Variants in LRP4 observed in about 807,000 individuals in gnomAD.
LRP4 encodes low-density lipoprotein receptor-related protein 4.
LRP4 carries 95 observed loss-of-function variants against 220.3 expected under a neutral mutation model. That is an observed-to-expected ratio of 0.43 (90% CI 0.37 to 0.51). The LOEUF is 0.51. Among genes scored for constraint, LRP4 ranks in the 20% least tolerant of loss-of-function variants. LRP4 has a pLI of 0.00. For missense variants in LRP4, 1,925 were observed against 2,567.0 expected (o/e 0.75, Z 5.40); for synonymous variants, 903 against 954.6 (o/e 0.95, Z 1.00).
At chr11:46,872,029 G>C (rs570585326) in intron 30 of LRP4, among the ~76,000 whole-genome samples, 7 of 151,758 alleles carry the variant, frequency 4.6e-5, no homozygotes, top group Non-Finnish European at 1.0e-4. Context: ...AGGCCGAGGC[G>C]GGGGATCACT....
chr11:46,884,529 G>A (rs2134823237), intron 18 of LRP4, among the ~76,000 whole-genome samples: 1 of 152,158 alleles, frequency 6.6e-6, no homozygotes, highest in South Asian at 2.1e-4. Flanking sequence ...GAGATTAGGA[G>A]ATCGAGACCA....
At chr11:46,868,179 T>C (rs1940754143) in intron 33 of LRP4, 65 bp from the exon 34 acceptor site, 1 of 1,601,242 alleles carries the variant, frequency 6.2e-7, no homozygotes, top group East Asian at 2.2e-5. Context: ...GGCCCAAGAG[T>C]AGCAGCTGGA....
Position 46,877,292 on chromosome 11 carries a change from C to T in LRP4, c.3184G>A (p.Val1062Ile). 1 of 1,613,986 alleles carries T rather than the reference C, an allele frequency of 6.2e-7. No homozygotes were observed. Among genetic ancestry groups the T allele is most frequent in the Non-Finnish European group, 8.5e-7 (1 of 1,179,964 alleles). The change falls in exon 23 of 38, where the codon GTC (valine) becomes ATC (isoleucine). Residue 1062 changes from valine (V) to isoleucine (I), a missense_variant. Physicochemically the swap from Val to Ile is conservative, Grantham distance 29. This residue lies in a region of LRP4 where 1,244 missense variants were observed against 1,624.9 expected (regional missense o/e 0.77). Transcript: ENST00000378623. The part of the protein sequence containing the change: ...IFARRIDIRM[V>I]SLDIPYFADV... Reference sequence around the variant, plus strand: ...GCAAAATAAGGGATGTCCAGGGAGACCATGCGAATGTCTATCCTCCTGGCG... The same window carrying T: ...GCAAAATAAGGGATGTCCAGGGAGATCATGCGAATGTCTATCCTCCTGGCG...
At chr11:46,886,905 C>T (rs1450588524) in intron 16 of LRP4, among the ~76,000 whole-genome samples, 2 of 152,236 alleles carry the variant, frequency 1.3e-5, no homozygotes, top group Non-Finnish European at 2.9e-5. Context: ...CCTGCCCCTC[C>T]ACTCCATCAC....
chr11:46,915,511 C>T (rs1461738051), intron 1 of LRP4, among the ~76,000 whole-genome samples: 2 of 152,082 alleles, frequency 1.3e-5, no homozygotes, highest in African/African-American at 4.8e-5. Context: ...TAGGAAAAGC[C>T]CCAAGGACTA....
chr11:46,861,885 A>G (rs892149951), intron 37 of LRP4, among the ~76,000 whole-genome samples: 2 of 152,018 alleles, frequency 1.3e-5, no homozygotes, highest in African/African-American at 4.8e-5. Flanking sequence ...CCTGGTCAAC[A>G]TGGAGAAACC....
At position 46,875,429 on chromosome 11, in the gene LRP4, TCA is replaced by T; in HGVS notation, c.3925+25_3925+26del. On this transcript the variant is annotated intron_variant, in intron 27 of 37. Transcript: ENST00000378623. This position sits in a 1 kb window ranked among gnomAD's most constrained non-coding sequence, Gnocchi z 4.5. ...GCCCCAGAAAGCCAGAGGCTCTGAC[TCA>T]CAGCCCCAGCCCTCTGACTCTCACC... 1 of 1,595,776 alleles carries T rather than the reference TCA, an allele frequency of 6.3e-7. No individual in the cohort carries two copies. Among genetic ancestry groups the T allele is most frequent in the Non-Finnish European group, 8.6e-7 (1 of 1,163,852 alleles).
intron 31 of LRP4, among the ~76,000 whole-genome samples, chr11:46,870,405 C>T (rs1035117771): frequency 2.6e-5 from 4 of 152,100 alleles, no homozygotes; most frequent in Admixed American, 2.6e-4. Context: ...TTCCTTTCTT[C>T]TTTCCTTTCT....
rs1036231283 is a variant in LRP4, at chr11:46,896,805, C to T, written c.922+64G>A. 32 of 1,611,492 alleles carry T rather than the reference C, an allele frequency of 2.0e-5. No individual in the cohort carries two copies. The South Asian group carries it at 3.0e-4, about 15-fold the overall frequency. ...CCAACTGGAAAGATACCAAAGCACCCTCTTTTCCACCCTTCCACCCCAACT... is the reference window on the plus strand; with the variant it reads ...CCAACTGGAAAGATACCAAAGCACCTTCTTTTCCACCCTTCCACCCCAACT... On this transcript the variant is annotated intron_variant, in intron 8 of 37. Transcript: ENST00000378623.
chr11:46,916,991 C>T (rs1468279484), intron 1 of LRP4, among the ~76,000 whole-genome samples: 1 of 152,228 alleles, frequency 6.6e-6, no homozygotes, highest in Non-Finnish European at 1.5e-5. Context: ...GCCAAGCTAC[C>T]GCTCTTCGGA....
At chr11:46,891,848 T>C (rs985966504) in intron 13 of LRP4, among the ~76,000 whole-genome samples, 1 of 152,128 alleles carries the variant, frequency 6.6e-6, no homozygotes, top group East Asian at 1.9e-4. Flanking sequence ...ACTCCTGGGC[T>C]CAAGCAATCT....
At chr11:46,865,546 T>A (rs1012556487) in intron 34 of LRP4, among the ~76,000 whole-genome samples, 1 of 152,236 alleles carries the variant, frequency 6.6e-6, no homozygotes, top group African/African-American at 2.4e-5. Flanking sequence ...GCCAATCTGA[T>A]TGGATAAAAA....
In LRP4 at chr11:46,873,329, C is replaced by A. The variant is rs369717970; in HGVS notation, c.4448+46G>T. The A allele has an allele frequency of 7.0e-5, 113 of 1,612,232 alleles. No homozygotes were observed. The highest frequency in any genetic ancestry group is 8.5e-7 in the Non-Finnish European group (1 of 1,178,900). On this transcript the variant is annotated intron_variant, in intron 29 of 37. Transcript: ENST00000378623. The surrounding 1 kb of genome is among the most constrained non-coding windows in gnomAD (Gnocchi z 4.2). ...GGACCCACTAACACCATCTTTCCAC[C>A]CAGCCCTTCTTCCCTGGATCTCTCT...
Position 46,899,741 on chromosome 11 carries a change from G to T in LRP4, c.430+122C>A. The T allele has an allele frequency of 3.3e-6, 3 of 916,268 alleles. No homozygotes were observed. The South Asian group carries it at 3.9e-5, about 12-fold the overall frequency. The allele number at this position is 916,268 out of a possible 1,614,324, so 56.8% of individuals were successfully genotyped here. ...GCTCTGCCCCCTCTGCGTTCCTCTAGCTGCTCCAGATATCTGGGCAGTTGG... is the reference window on the plus strand; with the variant it reads ...GCTCTGCCCCCTCTGCGTTCCTCTATCTGCTCCAGATATCTGGGCAGTTGG... On this transcript the variant is annotated intron_variant, in intron 4 of 37. Transcript: ENST00000378623. This position sits in a 1 kb window ranked among gnomAD's most constrained non-coding sequence, Gnocchi z 5.9.
rs1941015562 is a variant in LRP4 at position 46,876,355 on chromosome 11, T to TTTCTGTGATG, written c.3536+110_3536+111insCATCACAGAA. Reference sequence around the variant, plus strand: ...AGAGAGTGGAAGAGCCCCAGGGAGGTCACCTTGTTTCTGTGATGCAAGCTT... The same window carrying TTTCTGTGATG: ...AGAGAGTGGAAGAGCCCCAGGGAGGTTTCTGTGATGCACCTTGTTTCTGTGATGCAAGCTT... On this transcript the variant is annotated intron_variant, in intron 25 of 37. Transcript: ENST00000378623. 4 of 1,263,306 alleles carry TTTCTGTGATG rather than the reference T, an allele frequency of 3.2e-6. No homozygotes were observed. The African/African-American group carries it at 5.8e-5, about 18-fold the overall frequency. 78.3% of individuals were successfully genotyped at this position (1,263,306 alleles called of 1,614,324 possible).
intron 13 of LRP4, among the ~76,000 whole-genome samples, chr11:46,891,428 TACACAC>T (rs57116396): frequency 0.56 from 82,045 of 146,936 alleles, 23,009 homozygotes; most frequent in Non-Finnish European, 0.61. Flanking sequence ...TTGTATTTTA[TACACAC>T]ACACACACAC....
In LRP4 at chr11:46,859,199, C is replaced by A; in HGVS notation, c.5502G>T (p.Gly1834=). The A allele has an allele frequency of 6.2e-7, 1 of 1,614,148 alleles. No homozygotes were observed. The highest frequency in any genetic ancestry group is 8.5e-7 in the Non-Finnish European group (1 of 1,180,020). ...DDLKQLRSSR[G]GLLRDHVCMK... is the part of the protein sequence containing the mutation. Reference sequence around the variant, plus strand: ...TGCATACATGATCCCGGAGGAGGCCCCCCCGTGAGCTTCGCAGTTGCTTGA... The same window carrying A: ...TGCATACATGATCCCGGAGGAGGCCACCCCGTGAGCTTCGCAGTTGCTTGA... Residue 1834 remains glycine (G), a synonymous_variant, in exon 38 of 38, where the codon GGG becomes GGT. Coordinates refer to ENST00000378623, the MANE Select transcript of LRP4 (RefSeq NM_002334.4).
At chr11:46,886,908 T>C (rs1941306652) in intron 16 of LRP4, among the ~76,000 whole-genome samples, 1 of 152,176 alleles carries the variant, frequency 6.6e-6, no homozygotes, top group African/African-American at 2.4e-5. Context: ...GCCCCTCCAC[T>C]CCATCACCTG....
intron 30 of LRP4, among the ~76,000 whole-genome samples, chr11:46,872,331 C>G: frequency 6.6e-6 from 1 of 152,162 alleles, no homozygotes; most frequent in Admixed American, 6.5e-5. Context: ...GGCATTCTAC[C>G]ACCTTTCCAG....
Sources: allele counts gnomAD v4.1 joint callset (sites outside exome capture counted in the v4.1 genomes callset), GRCh38; gene constraint gnomAD v4.1.1; regional missense constraint gnomAD v4.1.1; non-coding constraint Gnocchi (gnomAD v3.1); transcripts MANE v1.5; gene names NCBI Gene and HGNC (gene_info 2026-07-23, HGNC 2026-07-21).